The following EGFR variants were observed in gnomAD, a reference collection of about 807,000 sequenced individuals.
EGFR encodes epidermal growth factor receptor.
A neutral mutation model predicts 143.0 loss-of-function variants in EGFR; 58 were observed. The ratio of observed to expected loss-of-function variants is 0.41; its 90% CI spans 0.33 to 0.50. The LOEUF is 0.50. EGFR is among the 20% of genes least tolerant of loss of function. EGFR has a pLI of 0.39. For missense variants in EGFR, 1,307 were observed against 1,579.0 expected (o/e 0.83, Z 2.92); for synonymous variants, 613 against 594.4 (o/e 1.03, Z -0.45).
In EGFR at chr7:55,019,426, C is replaced by A. The variant is rs17335717; in HGVS notation, c.88+61C>A. The stretch of plus-strand genomic sequence containing the variant: ...CGGATCGCGCCCCGGACCCCGCAGC[C>A]CGCCCAACCGCGCACCGGCGCACCG... On this transcript the variant is annotated intron_variant, in intron 1 of 27. Coordinates refer to ENST00000275493, the MANE Select transcript of EGFR (RefSeq NM_005228.5). 2,918 of 1,119,568 alleles carry A rather than the reference C, an allele frequency of 2.6e-3. 61 individuals carry two copies. The African/African-American group carries it at 0.043, about 17-fold the overall frequency. The allele number at this position is 1,119,568 out of a possible 1,614,324, so 69.4% of individuals were successfully genotyped here.
In EGFR at chr7:55,176,678, A is replaced by G. The variant is rs372517971; in HGVS notation, c.2283+1858A>G. On this transcript the variant is annotated intron_variant, in intron 19 of 27. Transcript: ENST00000275493. The stretch of plus-strand genomic sequence containing the variant: ...CAGTGAGCTAAAATCTCACCACTGC[A>G]CTCCAGCCTGGGTGACAAAGCAAGA... Among the ~76,000 whole-genome samples the G allele has an allele frequency of 1.8e-4, 27 of 151,950 alleles. No homozygotes were observed. The East Asian group carries it at 2.7e-3, about 15-fold the overall frequency.
intron 1 of EGFR, among the ~76,000 whole-genome samples, chr7:55,086,204 G>C (rs188227706): frequency 1.3e-5 from 2 of 152,196 alleles, no homozygotes; most frequent in Admixed American, 6.5e-5. Context: ...TAATTTGCTC[G>C]AGTTAAAGAG....
chr7:55,060,853 A>G (rs1789124802), intron 1 of EGFR, among the ~76,000 whole-genome samples: 1 of 152,236 alleles, frequency 6.6e-6, no homozygotes, highest in African/African-American at 2.4e-5. Context: ...CTGTGTAACC[A>G]TGTGAGCGTC....
intron 5 of EGFR, among the ~76,000 whole-genome samples, chr7:55,151,608 G>T (rs1365682834): frequency 6.6e-6 from 1 of 152,180 alleles, no homozygotes; most frequent in East Asian, 1.9e-4. Context: ...GGGCGCGGTG[G>T]CTCACCCCTA....
intron 1 of EGFR, among the ~76,000 whole-genome samples, chr7:55,072,644 A>T (rs1315958288): frequency 6.6e-6 from 1 of 152,186 alleles, no homozygotes; most frequent in African/African-American, 2.4e-5. Context: ...CACTAATAGG[A>T]CCAACAGTGG....
chr7:55,083,077 C>A (rs947888596), intron 1 of EGFR, among the ~76,000 whole-genome samples: 3 of 152,216 alleles, frequency 2.0e-5, no homozygotes, highest in Non-Finnish European at 2.9e-5. Flanking sequence ...CCACTCTATA[C>A]CAGTAAGACC....
chr7:55,059,890 T>A (rs935327912), intron 1 of EGFR, among the ~76,000 whole-genome samples: 1 of 151,700 alleles, frequency 6.6e-6, no homozygotes, highest in African/African-American at 2.4e-5. Flanking sequence ...ATACTGGACA[T>A]GTTCTGACCC....
chr7:55,063,209 C>A (rs1397300045), intron 1 of EGFR, among the ~76,000 whole-genome samples: 1 of 152,220 alleles, frequency 6.6e-6, no homozygotes, highest in Non-Finnish European at 1.5e-5. Flanking sequence ...CGACCGACCT[C>A]ATTAAACTGG....
rs1788087186 is a variant in EGFR, at chr7:55,205,781, G to T, written c.*164G>T. ...CTAGCCAGGAAGTACTTCCACCTCGGGCACATTTTGGGAAGTTGCATTCCT... is the reference window on the plus strand; with the variant it reads ...CTAGCCAGGAAGTACTTCCACCTCGTGCACATTTTGGGAAGTTGCATTCCT... On this transcript the variant is annotated 3_prime_UTR_variant, in exon 28 of 28. Transcript: ENST00000275493. 3 of 1,050,212 alleles carry T rather than the reference G, an allele frequency of 2.9e-6. No individual in the cohort carries two copies. 65.1% of individuals were successfully genotyped at this position (1,050,212 alleles called of 1,614,324 possible). A position where few individuals can be genotyped will look rare whatever the true frequency, so the allele number is the denominator to read the frequency against.
rs976457802 is a variant in EGFR at position 55,205,981 on chromosome 7, A to G, written c.*364A>G. On this transcript the variant is annotated 3_prime_UTR_variant, in exon 28 of 28. Transcript: ENST00000275493. ...ATTGTCGCTATTGATTTTTACTTCAATGGGCTCTTCCAACAAGGAAGAAGC... is the reference window on the plus strand; with the variant it reads ...ATTGTCGCTATTGATTTTTACTTCAGTGGGCTCTTCCAACAAGGAAGAAGC... 2 of 399,776 alleles carry G rather than the reference A, an allele frequency of 5.0e-6. No homozygotes were observed. The highest frequency in any genetic ancestry group is 9.2e-6 in the Non-Finnish European group (2 of 217,368). 24.8% of individuals were successfully genotyped at this position (399,776 alleles called of 1,614,324 possible).
chr7:55,113,398 T>TC, intron 1 of EGFR, among the ~76,000 whole-genome samples: 1 of 152,306 alleles, frequency 6.6e-6, no homozygotes, highest in South Asian at 2.1e-4. Flanking sequence ...GAAATTTCCT[T>TC]CTTTTTTTTC....
chr7:55,020,286 C>G (rs976384619), intron 1 of EGFR, among the ~76,000 whole-genome samples: 6 of 152,226 alleles, frequency 3.9e-5, no homozygotes, highest in African/African-American at 1.4e-4. Flanking sequence ...CGATGGCCGC[C>G]TCGCGGAGAC....
intron 1 of EGFR, among the ~76,000 whole-genome samples, chr7:55,060,254 T>C (rs115581820): frequency 8.7e-4 from 132 of 152,390 alleles, no homozygotes; most frequent in African/African-American, 3.1e-3. Context: ...TTCTAGTTTG[T>C]TCAGCTGTTC....
chr7:55,127,651 A>T (rs10488141), intron 1 of EGFR, among the ~76,000 whole-genome samples: 31,052 of 152,136 alleles, frequency 0.2, 3,364 homozygotes, highest in Admixed American at 0.28. Context: ...AGCCATTAGG[A>T]CCAATCCTTT....
rs2128975839 is a variant in EGFR at position 55,205,701 on chromosome 7, C to G, written c.*84C>G. 4 of 1,606,652 alleles carry G rather than the reference C, an allele frequency of 2.5e-6. No homozygotes were observed. The South Asian group carries it at 4.4e-5, about 18-fold the overall frequency. On this transcript the variant is annotated 3_prime_UTR_variant, in exon 28 of 28. Coordinates refer to ENST00000275493, the MANE Select transcript of EGFR (RefSeq NM_005228.5). ...CACAGCAGGTCCTCCATCCCAACAG[C>G]CATGCCCGCATTAGCTCTTAGACCC...
At chr7:55,171,970 C>A (rs1216332984) in intron 16 of EGFR, among the ~76,000 whole-genome samples, 1 of 152,180 alleles carries the variant, frequency 6.6e-6, no homozygotes, top group African/African-American at 2.4e-5. Flanking sequence ...GAGTTGACAG[C>A]CATAGCTCTC....
chr7:55,152,539 T>G lies in EGFR; in HGVS notation c.629-7T>G, dbSNP rs749472815. 24 of 1,613,694 alleles carry G rather than the reference T, an allele frequency of 1.5e-5. No individual in the cohort carries two copies. Among genetic ancestry groups the G allele is most frequent in the Non-Finnish European group, 1.9e-5 (23 of 1,179,846 alleles). ...TCAGCTCACAGGGAACCTTTGCTCT[T>G]TTTCAGTGACCAAAATCATCTGTGC... On this transcript the variant is annotated splice_polypyrimidine_tract_variant and splice_region_variant and intron_variant, in intron 5 of 27. Coordinates refer to ENST00000275493, the MANE Select transcript of EGFR (RefSeq NM_005228.5).
intron 27 of EGFR, among the ~76,000 whole-genome samples, chr7:55,204,185 G>A (rs1023265828): frequency 1.5e-4 from 22 of 142,110 alleles, no homozygotes; most frequent in Middle Eastern, 7.9e-3. Flanking sequence ...AGACACACAC[G>A]ACACACACCA....
chr7:55,084,933 G>A (rs1583997985), intron 1 of EGFR, among the ~76,000 whole-genome samples: 2 of 152,130 alleles, frequency 1.3e-5, no homozygotes, highest in South Asian at 2.1e-4. Context: ...AGCCCCATCC[G>A]TGATCTTCCA....
Sources: gnomAD v4.1 joint callset for allele counts (sites outside exome capture counted in the v4.1 genomes callset) on GRCh38, gnomAD v4.1.1 for gene constraint, MANE v1.5 for transcripts, NCBI Gene and HGNC (gene_info 2026-07-23, HGNC 2026-07-21) for gene names.